Variants in STON2 observed in about 807,000 individuals in gnomAD.
The protein encoded by STON2 is stonin 2, also known as stonin-2.
STON2 carries 29 observed loss-of-function variants against 65.7 expected under a neutral mutation model. The ratio of observed to expected loss-of-function variants is 0.44; its 90% confidence interval spans 0.33 to 0.60. The LOEUF (loss-of-function observed/expected upper bound fraction) is 0.60, where lower values mean the gene tolerates loss of function less well. STON2 is among the 20% of genes least tolerant of loss of function. The pLI is 0.03. For synonymous variants in STON2, 404 were observed against 414.2 expected (o/e 0.98, Z 0.30); for missense variants, 1,054 against 1,118.1 (o/e 0.94, Z 0.82).
chr14:81,357,049 T>C (rs1898270277), intron 4 of STON2, among the ~76,000 whole-genome samples: 1 of 151,912 alleles, frequency 6.6e-6, no homozygotes, highest in Non-Finnish European at 1.5e-5. Flanking sequence ...AATTGACAAA[T>C]GGATCTAATT....
intron 2 of STON2, among the ~76,000 whole-genome samples, chr14:81,410,884 C>T (rs888922698): frequency 3.3e-5 from 5 of 152,200 alleles, no homozygotes; most frequent in African/African-American, 1.2e-4. Context: ...GGATAAGGGA[C>T]TGAACTTCAA....
At chr14:81,377,732 A>G (rs1462974329) in intron 3 of STON2, among the ~76,000 whole-genome samples, 1 of 152,196 alleles carries the variant, frequency 6.6e-6, no homozygotes, top group Non-Finnish European at 1.5e-5. Context: ...TGAAAGGATC[A>G]TTTTAATTTG....
At chr14:81,357,281 C>A (rs1267086303) in intron 4 of STON2, among the ~76,000 whole-genome samples, 1 of 151,632 alleles carries the variant, frequency 6.6e-6, no homozygotes, top group Non-Finnish European at 1.5e-5. Context: ...TTTATGCAGC[C>A]AAAAAACACA....
intron 3 of STON2, among the ~76,000 whole-genome samples, chr14:81,377,500 GT>G (rs1241601012): frequency 6.6e-6 from 1 of 152,138 alleles, no homozygotes; most frequent in Admixed American, 6.5e-5. Flanking sequence ...TTGTATGAAC[GT>G]AAGTTTCCAT....
intron 5 of STON2, among the ~76,000 whole-genome samples, chr14:81,314,923 C>T (rs946214236): frequency 2.6e-5 from 4 of 152,102 alleles, no homozygotes; most frequent in Non-Finnish European, 4.4e-5. Context: ...TGGCTCACTG[C>T]AGCCTTGAAC....
intron 6 of STON2, among the ~76,000 whole-genome samples, chr14:81,276,398 A>AGTCTG (rs1894819863): frequency 1.7e-5 from 1 of 58,324 alleles, no homozygotes; most frequent in Non-Finnish European, 6.5e-5. Context: ...TCCCAGAGCC[A>AGTCTG]AAGTCTGAAT....
At chr14:81,425,695 T>C (rs147787337) in intron 2 of STON2, among the ~76,000 whole-genome samples, 225 of 152,304 alleles carry the variant, frequency 1.5e-3, no homozygotes, top group African/African-American at 5.1e-3. Context: ...AACACTGTCA[T>C]CCAGTGGTAT....
intron 3 of STON2, among the ~76,000 whole-genome samples, chr14:81,385,322 G>A (rs540906046): frequency 6.6e-6 from 1 of 152,286 alleles, no homozygotes; most frequent in African/African-American, 2.4e-5. Flanking sequence ...CATCCTCCGT[G>A]GCATGATGAC....
chr14:81,411,095 A>C (rs377323156), intron 2 of STON2, among the ~76,000 whole-genome samples: 1 of 152,332 alleles, frequency 6.6e-6, no homozygotes, highest in African/African-American at 2.4e-5. Flanking sequence ...AAGGCTGGTA[A>C]AGTGATCATT....
intron 5 of STON2, among the ~76,000 whole-genome samples, chr14:81,320,928 G>T (rs1338417315): frequency 6.6e-6 from 1 of 152,166 alleles, no homozygotes; most frequent in Non-Finnish European, 1.5e-5. Flanking sequence ...CAAGGAGCAG[G>T]AAACTGGAGC....
chr14:81,325,861 G>C (rs1347344065), intron 4 of STON2, among the ~76,000 whole-genome samples: 1 of 151,996 alleles, frequency 6.6e-6, no homozygotes, highest in Non-Finnish European at 1.5e-5. Context: ...ACTGAGAAGG[G>C]ATAAAGAAGA....
chr14:81,356,509 G>A (rs1898240438), intron 4 of STON2, among the ~76,000 whole-genome samples: 1 of 151,940 alleles, frequency 6.6e-6, no homozygotes, highest in Non-Finnish European at 1.5e-5. Context: ...GTATCAGGAG[G>A]ATGCTGGCCT....
chr14:81,365,512 T>C (rs1898681044), intron 4 of STON2, among the ~76,000 whole-genome samples: 1 of 152,138 alleles, frequency 6.6e-6, no homozygotes, highest in South Asian at 2.1e-4. Context: ...TCTCAGCACT[T>C]TGGGAGGCCG....
At chr14:81,377,352 C>T (rs999561199) in intron 3 of STON2, among the ~76,000 whole-genome samples, 16 of 152,252 alleles carry the variant, frequency 1.1e-4, no homozygotes, top group African/African-American at 3.4e-4. Context: ...GTAGTTCATT[C>T]CTTTTTATTG....
intron 3 of STON2, among the ~76,000 whole-genome samples, chr14:81,384,397 G>A (rs1333952438): frequency 6.6e-6 from 1 of 151,962 alleles, no homozygotes; most frequent in African/African-American, 2.4e-5. Flanking sequence ...ACAGGCGCCC[G>A]GCTAATTTTT....
At chr14:81,372,153 T>C (rs12437349) in intron 3 of STON2, among the ~76,000 whole-genome samples, 76,246 of 152,024 alleles carry the variant, frequency 0.5, 19,629 homozygotes, top group East Asian at 0.73. Context: ...TAAAAACTAC[T>C]TTAGAAAGGT....
At chr14:81,422,970 G>A (rs931612799) in intron 2 of STON2, among the ~76,000 whole-genome samples, 1 of 152,004 alleles carries the variant, frequency 6.6e-6, no homozygotes, top group Non-Finnish European at 1.5e-5. Context: ...TGGAGGCGGA[G>A]GTTGCAGTGA....
In STON2 at chr14:81,286,881, C is replaced by T. The variant is rs527281530; in HGVS notation, c.743-8142G>A. Among the ~76,000 whole-genome samples, 13 of 152,296 alleles carry T rather than the reference C, an allele frequency of 8.5e-5. No individual in the cohort carries two copies. In the South Asian group the frequency reaches 2.3e-3, roughly 27 times the overall value. On this transcript the variant is annotated intron_variant, in intron 5 of 7. Transcript: ENST00000614646. Reference sequence around the variant, plus strand: ...AACTGTCCAAGTTGAGATCAGAAGTCAAGTCCTGCTTTTAATTTTTAGTAA... The same window carrying T: ...AACTGTCCAAGTTGAGATCAGAAGTTAAGTCCTGCTTTTAATTTTTAGTAA...
At chr14:81,382,485 T>A (rs927673331) in intron 3 of STON2, among the ~76,000 whole-genome samples, 1 of 152,052 alleles carries the variant, frequency 6.6e-6, no homozygotes, top group Non-Finnish European at 1.5e-5. Context: ...GTGTAGGTAG[T>A]AAAACTGTCA....
Sources: allele counts gnomAD v4.1 joint callset (sites outside exome capture counted in the v4.1 genomes callset), GRCh38; gene constraint gnomAD v4.1.1; transcripts MANE v1.5; gene names NCBI Gene and HGNC (gene_info 2026-07-23, HGNC 2026-07-21).